The following PRKAA2 variants were observed in gnomAD, a reference collection of about 807,000 sequenced individuals.
The protein encoded by PRKAA2 is 5'-AMP-activated protein kinase catalytic subunit alpha-2.
A neutral mutation model predicts 56.3 loss-of-function variants in PRKAA2; 40 were observed. The ratio of observed to expected loss-of-function variants is 0.71; its 90% CI spans 0.55 to 0.92. PRKAA2 has a LOEUF of 0.92. Ranked by LOEUF, PRKAA2 falls within the 40% of genes least tolerant of loss-of-function variation. The probability of loss-of-function intolerance (pLI) is 0.00; values close to 1 mark genes in which losing one functional copy is unlikely to be tolerated. For synonymous variants in PRKAA2, 214 were observed against 234.2 expected (o/e 0.91, Z 0.79); for missense variants, 542 against 686.9 (o/e 0.79, Z 2.36).
At chr1:56,675,647 C>T (rs529397397) in intron 2 of PRKAA2, among the ~76,000 whole-genome samples, 143 of 151,980 alleles carry the variant, frequency 9.4e-4, no homozygotes, top group African/African-American at 3.4e-3. Context: ...CTCATTTTGA[C>T]TTAATTATTT....
intron 1 of PRKAA2, among the ~76,000 whole-genome samples, chr1:56,659,159 T>C (rs999144216): frequency 6.6e-6 from 1 of 151,962 alleles, no homozygotes; most frequent in Non-Finnish European, 1.5e-5. Flanking sequence ...AAAAATAAAG[T>C]TGATTTTCCT....
In PRKAA2 at chr1:56,645,325, A is replaced by AGGCGGC. The variant is rs545526063; in HGVS notation, c.-50_-45dup. On this transcript the variant is annotated 5_prime_UTR_variant, in exon 1 of 9. Transcript: ENST00000371244. ...CCGCAGGGCCCGCTGCACTGTGGGT[A>AGGCGGC]GGCGGCGGCGGCGGCGGCTACGCGG... 8.3e-6 allele frequency: 11 copies of AGGCGGC among 1,333,302 alleles called. No homozygotes were observed. The highest frequency in any genetic ancestry group is 4.7e-5 in the African/African-American group (3 of 63,650). The allele number at this position is 1,333,302 out of a possible 1,614,324, so 82.6% of individuals were successfully genotyped here.
Position 56,682,489 on chromosome 1 carries a change from A to G in PRKAA2, c.236+7967A>G, listed in dbSNP as rs535322981. On this transcript the variant is annotated intron_variant, in intron 2 of 8. Transcript: ENST00000371244. Reference sequence around the variant, plus strand: ...AGGTGAAGCAAACTTCAAGTGTTGTAGGCAAAGGAAGATTATGTACTCTCA... The same window carrying G: ...AGGTGAAGCAAACTTCAAGTGTTGTGGGCAAAGGAAGATTATGTACTCTCA... Among the ~76,000 whole-genome samples, 11 of 152,328 alleles carry G rather than the reference A, an allele frequency of 7.2e-5. No individual in the cohort carries two copies. The East Asian group carries it at 1.9e-3, about 27-fold the overall frequency.
intron 8 of PRKAA2, 68 bp from the exon 9 acceptor site, chr1:56,707,407 T>C (rs947517240): frequency 9.2e-6 from 12 of 1,299,916 alleles, no homozygotes; most frequent in Non-Finnish European, 1.2e-5. Flanking sequence ...CTGAATATCA[T>C]AAATTCATAG....
At chr1:56,676,965 G>A (rs766106304) in intron 2 of PRKAA2, among the ~76,000 whole-genome samples, 20 of 152,104 alleles carry the variant, frequency 1.3e-4, no homozygotes, top group Admixed American at 5.9e-4. Flanking sequence ...ACAAAATGAG[G>A]TCCCTGAAAT....
intron 1 of PRKAA2, among the ~76,000 whole-genome samples, chr1:56,665,476 C>G (rs72666490): frequency 0.023 from 3,470 of 152,284 alleles, 83 homozygotes; most frequent in East Asian, 0.11. Context: ...GCATTGAAAG[C>G]TTCTTATAAA....
chr1:56,682,135 A>G (rs1644159611), intron 2 of PRKAA2, among the ~76,000 whole-genome samples: 1 of 152,022 alleles, frequency 6.6e-6, no homozygotes. Context: ...TGGGATTTTT[A>G]TTGAGCACCT....
chr1:56,714,942 A>G lies in PRKAA2; in HGVS notation c.*7229A>G, dbSNP rs1644396029. 6.6e-6 allele frequency: 1 copy of G among 152,064 alleles called. No homozygotes were observed. Among genetic ancestry groups the G allele is most frequent in the African/African-American group, 2.4e-5 (1 of 41,422 alleles). The allele number at this position is 152,064 out of a possible 1,614,324, so 9.4% of individuals were successfully genotyped here. A position where few individuals can be genotyped will look rare whatever the true frequency, so the allele number is the denominator to read the frequency against. ...AAAAAATCCATAGGTTGATACATTG[A>G]CCCATTGAAGTACTTCATTACGTAT... On this transcript the variant is annotated 3_prime_UTR_variant, in exon 9 of 9. Coordinates refer to ENST00000371244, the MANE Select transcript of PRKAA2 (RefSeq NM_006252.4).
At chr1:56,687,396 A>G (rs1644199636) in intron 2 of PRKAA2, among the ~76,000 whole-genome samples, 1 of 152,186 alleles carries the variant, frequency 6.6e-6, no homozygotes, top group Non-Finnish European at 1.5e-5. Context: ...ATACATATGT[A>G]GAGAGAGGGG....
chr1:56,667,497 T>G (rs1364563910), intron 1 of PRKAA2, among the ~76,000 whole-genome samples: 1 of 151,914 alleles, frequency 6.6e-6, no homozygotes, highest in Admixed American at 6.6e-5. Context: ...ATTTCATATA[T>G]TATGAGTTAA....
At position 56,669,410 on chromosome 1, in the gene PRKAA2, G is replaced by T. The variant is rs113967763; in HGVS notation, c.95-4971G>T. Among the ~76,000 whole-genome samples the T allele has an allele frequency of 3.1e-3, 469 of 151,900 alleles. 2 individuals are homozygous for T. Among genetic ancestry groups the T allele is most frequent in the African/African-American group, 0.01 (432 of 41,416 alleles). ...GGAGGCAGAGGTTGCAGTGAACTGA[G>T]ATCGTACCACTGCACTCCAGCCTGG... On this transcript the variant is annotated intron_variant, in intron 1 of 8. Transcript: ENST00000371244.
chr1:56,648,698 A>G (rs1557539716), intron 1 of PRKAA2, among the ~76,000 whole-genome samples: 1 of 152,168 alleles, frequency 6.6e-6, no homozygotes, highest in Non-Finnish European at 1.5e-5. Context: ...CCCTTTTCTG[A>G]GTATCTTTGC....
At chr1:56,652,603 T>C (rs1343984223) in intron 1 of PRKAA2, among the ~76,000 whole-genome samples, 1 of 152,198 alleles carries the variant, frequency 6.6e-6, no homozygotes, top group African/African-American at 2.4e-5. Flanking sequence ...GGAAAAACCA[T>C]TAGATGCTGA....
At chr1:56,680,985 G>T (rs1466929743) in intron 2 of PRKAA2, among the ~76,000 whole-genome samples, 1 of 152,226 alleles carries the variant, frequency 6.6e-6, no homozygotes, top group Non-Finnish European at 1.5e-5. Flanking sequence ...CAGTGTAAAA[G>T]TGTTCCTATT....
chr1:56,650,081 C>T (rs576840125), intron 1 of PRKAA2, among the ~76,000 whole-genome samples: 18 of 151,154 alleles, frequency 1.2e-4, no homozygotes, highest in Admixed American at 1.1e-3. Flanking sequence ...GGTGACAGAG[C>T]GAGACTCCGT....
intron 1 of PRKAA2, among the ~76,000 whole-genome samples, chr1:56,667,653 A>G (rs978469956): frequency 6.6e-6 from 1 of 152,188 alleles, no homozygotes; most frequent in Non-Finnish European, 1.5e-5. Flanking sequence ...CCACATCTAT[A>G]AAATTTCCTC....
chr1:56,706,467 CAAGT>C (rs1199395406), intron 8 of PRKAA2, among the ~76,000 whole-genome samples: 2 of 152,212 alleles, frequency 1.3e-5, no homozygotes, highest in African/African-American at 4.8e-5. Context: ...CCGTGGAGCA[CAAGT>C]AAGGAACAAC....
chr1:56,657,267 C>T (rs539934967), intron 1 of PRKAA2, among the ~76,000 whole-genome samples: 2 of 152,160 alleles, frequency 1.3e-5, no homozygotes, highest in South Asian at 4.2e-4. Flanking sequence ...AAGTTGACTC[C>T]CCAACTAAAA....
chr1:56,655,280 A>ATATATATTTTTTTTTTTT, intron 1 of PRKAA2, among the ~76,000 whole-genome samples: 10 of 93,654 alleles, frequency 1.1e-4, no homozygotes, highest in African/African-American at 3.2e-4. Flanking sequence ...ATATATATAT[A>ATATATATTTTTTTTTTTT]TTTTTTTTTT....
Sources: gnomAD v4.1 joint callset for allele counts (sites outside exome capture counted in the v4.1 genomes callset) on GRCh38, gnomAD v4.1.1 for gene constraint, MANE v1.5 for transcripts, NCBI Gene and HGNC (gene_info 2026-07-23, HGNC 2026-07-21) for gene names.